PCDHGA2: variants seen among roughly 807,000 people sequenced by gnomAD.
PCDHGA2 encodes the protein protocadherin gamma subfamily A, 2.
Under a neutral mutation model 59.2 loss-of-function variants are expected in PCDHGA2, and 40 were observed. The ratio of observed to expected loss-of-function variants is 0.68; its 90% CI spans 0.52 to 0.88. The LOEUF (loss-of-function observed/expected upper bound fraction) is 0.88. Ranked by LOEUF, PCDHGA2 falls within the 40% of genes least tolerant of loss-of-function variation. The pLI is 0.00. For missense variants in PCDHGA2, 1,226 were observed against 1,204.0 expected, an observed-to-expected ratio of 1.02 and a Z score of -0.27; for synonymous variants, 560 against 526.0, an observed-to-expected ratio of 1.06 and a Z score of -0.89.
intron 1 of PCDHGA2, chr5:141,405,066 T>G: frequency 1.2e-6 from 2 of 1,613,866 alleles, no homozygotes; most frequent in South Asian, 2.2e-5. Context: ...TGTGTCTTCC[T>G]CACCTTCGTT....
At chr5:141,360,052 C>T in intron 1 of PCDHGA2, 1 of 1,436,126 alleles carries the variant, frequency 7.0e-7, no homozygotes, top group Non-Finnish European at 9.2e-7. Context: ...AAAACAAAAG[C>T]AGGAAAAGTG....
chr5:141,340,422 A>G lies in PCDHGA2; in HGVS notation c.1451A>G (p.Asn484Ser), dbSNP rs747239021. The G allele has an allele frequency of 6.2e-7, 1 of 1,614,196 alleles. No homozygotes were observed. Among genetic ancestry groups the G allele is most frequent in the Admixed American group, 1.7e-5 (1 of 60,024 alleles). ...VTAHDPDSND[N>S]AHVTYSFAED... ...GCCCATGACCCCGACAGCAACGACAATGCTCATGTAACTTACTCTTTCGCG... is the reference window on the plus strand; with the variant it reads ...GCCCATGACCCCGACAGCAACGACAGTGCTCATGTAACTTACTCTTTCGCG... The change falls in exon 1 of 4, where the codon AAT becomes AGT. Residue 484 changes from asparagine to serine, a missense_variant. Physicochemically the swap from Asn to Ser is conservative, Grantham distance 46 (BLOSUM62 1). Transcript: ENST00000394576.
chr5:141,370,436 G>A, intron 1 of PCDHGA2: 1 of 1,604,136 alleles, frequency 6.2e-7, no homozygotes, highest in Non-Finnish European at 8.5e-7. Context: ...CAGGGCAGAG[G>A]CGAATGCTAT....
intron 1 of PCDHGA2, chr5:141,362,273 T>G (rs1762411224): frequency 1.2e-6 from 2 of 1,613,954 alleles, no homozygotes; most frequent in Non-Finnish European, 8.5e-7. Context: ...GCAATCTCCC[T>G]GCGCCTGCGA....
intron 1 of PCDHGA2, 82 bp downstream of exon 1, chr5:141,341,477 C>T: frequency 1.9e-6 from 3 of 1,581,082 alleles, no homozygotes; most frequent in Non-Finnish European, 2.6e-6. Context: ...TATTTTGTTC[C>T]CCATATTTCC....
At chr5:141,366,832 G>C in intron 1 of PCDHGA2, 1 of 1,518,404 alleles carries the variant, frequency 6.6e-7, no homozygotes, top group South Asian at 1.3e-5. Flanking sequence ...TTCAGAATCA[G>C]CTAGTTATGT....
intron 1 of PCDHGA2, chr5:141,372,386 C>T (rs376952769): frequency 2.8e-5 from 45 of 1,614,038 alleles, no homozygotes; most frequent in Non-Finnish European, 3.8e-5. Flanking sequence ...ACCTAATCTT[C>T]GCAGATAGCT....
rs187307897 is a variant in PCDHGA2 at position 141,505,900 on chromosome 5, A to G, written c.2572+419A>G. 2.6e-4 allele frequency among the ~76,000 whole-genome samples: 39 copies of G among 152,296 alleles called. 1 individual carries two copies. In the East Asian group the frequency reaches 6.8e-3, roughly 26 times the overall value. ...TGTAGAGATTAAATGAGATGATACCACAAAGCATAGAGTTCTGGGCCTGGC... is the reference window on the plus strand; with the variant it reads ...TGTAGAGATTAAATGAGATGATACCGCAAAGCATAGAGTTCTGGGCCTGGC... On this transcript the variant is annotated intron_variant, in intron 3 of 3. Transcript: ENST00000394576.
Position 141,489,463 on chromosome 5 carries a change from T to C in PCDHGA2, c.2425-5344T>C. ...GGGCTCTGAGGAGAATGGGCGCTAT[T>C]TTTCCCTGAGCTTGATGAGTGGTGC... On this transcript the variant is annotated intron_variant, in intron 1 of 3. Transcript: ENST00000394576. This position sits in a 1 kb window ranked among gnomAD's most constrained non-coding sequence, Gnocchi z 4.5. 6.2e-7 allele frequency: 1 copy of C among 1,614,050 alleles called. No individual in the cohort carries two copies. The highest frequency in any genetic ancestry group is 8.5e-7 in the Non-Finnish European group (1 of 1,180,002).
chr5:141,347,027 C>T (rs1757847574), intron 1 of PCDHGA2, among the ~76,000 whole-genome samples: 2 of 149,848 alleles, frequency 1.3e-5, no homozygotes, highest in African/African-American at 4.9e-5. Flanking sequence ...CTCTTTCCTC[C>T]TTCCTTCCTT....
chr5:141,342,331 A>G (rs755051300), intron 1 of PCDHGA2: 1 of 152,258 alleles, frequency 6.6e-6, no homozygotes, highest in Non-Finnish European at 1.5e-5. Context: ...TGCCCCTCTG[A>G]TCAATTTTCT....
intron 1 of PCDHGA2, among the ~76,000 whole-genome samples, chr5:141,460,959 A>ATG (rs1248175237): frequency 7.9e-6 from 1 of 126,082 alleles, no homozygotes; most frequent in Non-Finnish European, 1.6e-5. Flanking sequence ...ATGTATATAT[A>ATG]TATGTGTGTG....
chr5:141,352,486 G>A (rs1425676606), intron 1 of PCDHGA2: 1 of 1,614,000 alleles, frequency 6.2e-7, no homozygotes, highest in Admixed American at 1.7e-5. Flanking sequence ...ACAGCGAGGG[G>A]ACTTTGCCCT....
chr5:141,485,563 C>A lies in PCDHGA2; in HGVS notation c.2425-9244C>A. 2 of 1,612,904 alleles carry A rather than the reference C, an allele frequency of 1.2e-6. No individual in the cohort carries two copies. The highest frequency in any genetic ancestry group is 1.7e-6 in the Non-Finnish European group (2 of 1,179,034). ...AGATCGTAGATGTGAATGATCACGC[C>A]CCCCGTTTTCCGCGGCAGCAGCTGG... On this transcript the variant is annotated intron_variant, in intron 1 of 3. Coordinates refer to ENST00000394576, the MANE Select transcript of PCDHGA2 (RefSeq NM_018915.4). This position sits in a 1 kb window ranked among gnomAD's most constrained non-coding sequence, Gnocchi z 5.7.
chr5:141,506,025 A>T (rs2099850088), intron 3 of PCDHGA2, among the ~76,000 whole-genome samples: 1 of 152,150 alleles, frequency 6.6e-6, no homozygotes, highest in African/African-American at 2.4e-5. Context: ...CCCTAACTCC[A>T]GAGTAGGATT....
intron 1 of PCDHGA2, chr5:141,396,033 C>T (rs191318626): frequency 1.3e-5 from 2 of 152,280 alleles, no homozygotes; most frequent in East Asian, 3.9e-4. Context: ...TATGTAAGAA[C>T]ATATTTCAAT....
intron 1 of PCDHGA2, among the ~76,000 whole-genome samples, chr5:141,363,455 C>A (rs1762933034): frequency 6.6e-6 from 1 of 152,226 alleles, no homozygotes; most frequent in Admixed American, 6.5e-5. Flanking sequence ...TACTTCTCGA[C>A]AAGTATCTGC....
intron 1 of PCDHGA2, among the ~76,000 whole-genome samples, chr5:141,482,804 G>T (rs1431490730): frequency 6.6e-6 from 1 of 152,194 alleles, no homozygotes; most frequent in East Asian, 1.9e-4. Flanking sequence ...GGGTACGGTG[G>T]CTCATGCCTG....
chr5:141,437,591 G>T (rs1177672004), intron 1 of PCDHGA2, among the ~76,000 whole-genome samples: 5 of 152,170 alleles, frequency 3.3e-5, no homozygotes, highest in Non-Finnish European at 7.3e-5. Flanking sequence ...GAATTGGATA[G>T]TTCTGGTGTA....
Sources: gnomAD v4.1 joint callset for allele counts (sites outside exome capture counted in the v4.1 genomes callset) on GRCh38, gnomAD v4.1.1 for gene constraint, Gnocchi (gnomAD v3.1) non-coding constraint, MANE v1.5 for transcripts, NCBI Gene and HGNC (gene_info 2026-07-23, HGNC 2026-07-21) for gene names.